CDH9: variants seen among roughly 807,000 people sequenced by gnomAD.
CDH9 encodes the protein cadherin 9.
Under a neutral mutation model 70.9 loss-of-function variants are expected in CDH9, and 28 were observed. The ratio of observed to expected loss-of-function variants is 0.40; its 90% CI spans 0.29 to 0.54. CDH9 has a LOEUF of 0.54. Among genes scored for constraint, CDH9 ranks in the 20% least tolerant of loss-of-function variants. CDH9 has a pLI of 0.59. For synonymous variants in CDH9, 409 were observed against 343.1 expected, an observed-to-expected ratio of 1.19 and a Z score of -2.12; for missense variants, 874 against 984.4, an observed-to-expected ratio of 0.89 and a Z score of 1.50.
In CDH9 at chr5:27,016,210, C is replaced by G. The variant is rs3811928; in HGVS notation, c.-50+22253G>C. On this transcript the variant is annotated intron_variant, in intron 1 of 11. Coordinates refer to ENST00000231021, the MANE Select transcript of CDH9 (RefSeq NM_016279.4). ...AGTATCTACTATTAATCAACTTTAT[C>G]TTGGATTTTCGAGAACACTGATATA... Among the ~76,000 whole-genome samples the G allele has an allele frequency of 4.5e-4, 69 of 151,812 alleles. No homozygotes were observed. In the East Asian group the frequency reaches 0.013, roughly 29 times the overall value.
At chr5:26,970,175 TA>T (rs1742194688) in intron 2 of CDH9, among the ~76,000 whole-genome samples, 2 of 151,690 alleles carry the variant, frequency 1.3e-5, no homozygotes, top group Non-Finnish European at 2.9e-5. Context: ...TAAAATACTT[TA>T]AAAATACCGA....
chr5:26,953,808 G>T (rs1741893893), intron 2 of CDH9, among the ~76,000 whole-genome samples: 1 of 151,924 alleles, frequency 6.6e-6, no homozygotes, highest in African/African-American at 2.4e-5. Flanking sequence ...TAAAAACCAG[G>T]CTCCCTAAGC....
intron 7 of CDH9, among the ~76,000 whole-genome samples, chr5:26,892,710 A>ATT (rs113985997): frequency 6.6e-6 from 1 of 151,700 alleles, no homozygotes; most frequent in Middle Eastern, 3.4e-3. Context: ...AAGTACTGGC[A>ATT]TTTTTTTGTT....
chr5:26,887,006 T>G (rs189691106), intron 9 of CDH9, among the ~76,000 whole-genome samples: 1 of 152,306 alleles, frequency 6.6e-6, no homozygotes, highest in Admixed American at 6.5e-5. Context: ...AAATTCACAA[T>G]AGTTTAAGCT....
chr5:26,964,963 A>C (rs2112066241), intron 2 of CDH9, among the ~76,000 whole-genome samples: 1 of 152,210 alleles, frequency 6.6e-6, no homozygotes, highest in Non-Finnish European at 1.5e-5. Context: ...ATCTGGAATT[A>C]TTTTTCCCTT....
rs1191142620 is a variant in CDH9, at chr5:26,952,032, G to A, written c.228+36074C>T. 5.5e-5 allele frequency among the ~76,000 whole-genome samples: 8 copies of A among 146,248 alleles called. No homozygotes were observed. The East Asian group carries it at 1.4e-3, about 26-fold the overall frequency. On this transcript the variant is annotated intron_variant, in intron 2 of 11. Transcript: ENST00000231021. Reference sequence around the variant, plus strand: ...GTATTGCTCTGTTGCCCAGGCTGGAGTGCAGTGGCGCGATGTTGGCTCACT... The same window carrying A: ...GTATTGCTCTGTTGCCCAGGCTGGAATGCAGTGGCGCGATGTTGGCTCACT...
At chr5:26,998,230 G>A (rs1156452464) in intron 1 of CDH9, among the ~76,000 whole-genome samples, 1 of 152,030 alleles carries the variant, frequency 6.6e-6, no homozygotes, top group African/African-American at 2.4e-5. Context: ...GAAAATCAGA[G>A]GAAAAGATTG....
intron 1 of CDH9, among the ~76,000 whole-genome samples, chr5:26,999,865 A>G (rs955523005): frequency 6.6e-6 from 1 of 152,146 alleles, no homozygotes; most frequent in Admixed American, 6.6e-5. Context: ...TTTATGATGC[A>G]GATAAAAATA....
intron 1 of CDH9, among the ~76,000 whole-genome samples, chr5:27,014,481 C>T (rs1458226717): frequency 3.3e-5 from 5 of 151,800 alleles, no homozygotes; most frequent in Non-Finnish European, 7.4e-5. Flanking sequence ...CTTTAGCACC[C>T]ACAATGTAAC....
intron 1 of CDH9, among the ~76,000 whole-genome samples, chr5:26,994,336 C>T (rs1742632011): frequency 6.6e-6 from 1 of 151,990 alleles, no homozygotes; most frequent in Non-Finnish European, 1.5e-5. Flanking sequence ...CTATTATAGA[C>T]TAAATATTTG....
chr5:26,901,845 A>G (rs1316406694), intron 7 of CDH9, among the ~76,000 whole-genome samples: 1 of 151,878 alleles, frequency 6.6e-6, no homozygotes, highest in Non-Finnish European at 1.5e-5. Context: ...GATATGCTAT[A>G]CAAATTAATA....
intron 7 of CDH9, among the ~76,000 whole-genome samples, chr5:26,897,248 G>A (rs1252755415): frequency 2.6e-5 from 4 of 151,894 alleles, no homozygotes; most frequent in Non-Finnish European, 5.9e-5. Flanking sequence ...GATACATAGA[G>A]GAGCTGGTAC....
chr5:26,881,810 A>G (rs1457735081), intron 11 of CDH9, among the ~76,000 whole-genome samples, 187 bp from the exon 12 acceptor site: 2 of 152,214 alleles, frequency 1.3e-5, no homozygotes, highest in East Asian at 3.9e-4. Flanking sequence ...ATAAAGGAGC[A>G]GATATTACCA....
chr5:26,908,296 C>T (rs1263031127), intron 3 of CDH9, among the ~76,000 whole-genome samples: 3 of 151,558 alleles, frequency 2.0e-5, no homozygotes, highest in African/African-American at 4.8e-5. Context: ...GATTTACATT[C>T]CCCCCACACA....
intron 1 of CDH9, among the ~76,000 whole-genome samples, chr5:27,013,640 G>A (rs2112117651): frequency 6.6e-6 from 1 of 151,920 alleles, no homozygotes; most frequent in South Asian, 2.1e-4. Context: ...ATTCCAAAAT[G>A]AAGACAAGAA....
At chr5:26,988,672 T>C (rs1742530070) in intron 1 of CDH9, among the ~76,000 whole-genome samples, 2 of 152,026 alleles carry the variant, frequency 1.3e-5, no homozygotes, top group Non-Finnish European at 2.9e-5. Flanking sequence ...CTAAATATTT[T>C]GAAAAATAAG....
At chr5:26,894,934 T>G (rs1282793286) in intron 7 of CDH9, among the ~76,000 whole-genome samples, 1 of 152,086 alleles carries the variant, frequency 6.6e-6, no homozygotes, top group Non-Finnish European at 1.5e-5. Context: ...CCACAAAAGC[T>G]GAACTCTGCT....
At chr5:26,969,429 G>A (rs1372778289) in intron 2 of CDH9, among the ~76,000 whole-genome samples, 1 of 152,006 alleles carries the variant, frequency 6.6e-6, no homozygotes, top group Non-Finnish European at 1.5e-5. Flanking sequence ...TTGTCATTGT[G>A]AGTGAAGCCA....
chr5:26,918,339 C>T (rs28564178), intron 2 of CDH9, among the ~76,000 whole-genome samples: 12,011 of 152,184 alleles, frequency 0.079, 613 homozygotes, highest in African/African-American at 0.14. Flanking sequence ...ATGGATGAGC[C>T]TGCTCTTGAC....
Sources: allele counts gnomAD v4.1 joint callset (sites outside exome capture counted in the v4.1 genomes callset), GRCh38; gene constraint gnomAD v4.1.1; transcripts MANE v1.5; gene names NCBI Gene and HGNC (gene_info 2026-07-23, HGNC 2026-07-21).